Variants in WDFY3 observed in about 807,000 individuals in gnomAD.
WDFY3 encodes the protein WD repeat and FYVE domain containing 3.
WDFY3 carries 66 observed loss-of-function variants against 409.6 expected under a neutral mutation model. The ratio of observed to expected loss-of-function variants is 0.16; its 90% CI spans 0.13 to 0.20. The LOEUF is 0.20. WDFY3 is among the 10% of genes least tolerant of loss of function. The pLI, the probability that WDFY3 is intolerant of heterozygous loss-of-function variation, is 1.00. For synonymous variants in WDFY3, 1,521 were observed against 1,537.1 expected, an observed-to-expected ratio of 0.99 and a Z score of 0.25; for missense variants, 3,031 against 4,298.1, an observed-to-expected ratio of 0.71 and a Z score of 8.24.
At chr4:84,784,891 T>TATATATATATACACACACAC (rs1238884117) in intron 24 of WDFY3, among the ~76,000 whole-genome samples, 2 of 36,914 alleles carry the variant, frequency 5.4e-5, no homozygotes, top group African/African-American at 1.5e-4. Context: ...TATATATATA[T>TATATATATATACACACACAC]ACACACACAC....
intron 21 of WDFY3, among the ~76,000 whole-genome samples, chr4:84,793,598 A>C (rs540585432): frequency 6.6e-6 from 1 of 152,348 alleles, no homozygotes; most frequent in African/African-American, 2.4e-5. Flanking sequence ...AAATTGCAAA[A>C]CAAAGATCAG....
chr4:84,818,348 T>C (rs1427497723), intron 12 of WDFY3, among the ~76,000 whole-genome samples: 1 of 152,154 alleles, frequency 6.6e-6, no homozygotes, highest in Non-Finnish European at 1.5e-5. Flanking sequence ...GTATTTCCTC[T>C]AAGTAATTCT....
At position 84,962,519 on chromosome 4, in the gene WDFY3, T is replaced by A. The variant is rs542566076; in HGVS notation, c.-226+3690A>T. Among the ~76,000 whole-genome samples the A allele has an allele frequency of 2.0e-5, 3 of 152,258 alleles. No individual in the cohort carries two copies. In the East Asian group the frequency reaches 5.8e-4, roughly 29 times the overall value. On this transcript the variant is annotated intron_variant, in intron 1 of 67. Transcript: ENST00000295888. ...TAGAGGACTGACTCATGACAGGGCA[T>A]GAGTGAACTTTTTAGAGTAACGGAA...
intron 1 of WDFY3, among the ~76,000 whole-genome samples, chr4:84,938,566 T>C (rs764336523): frequency 3.3e-5 from 5 of 152,164 alleles, no homozygotes; most frequent in Non-Finnish European, 7.4e-5. Context: ...TACAAAAATG[T>C]TCATTCCAAA....
intron 2 of WDFY3, among the ~76,000 whole-genome samples, chr4:84,913,536 T>C (rs546832173): frequency 1.3e-5 from 2 of 152,090 alleles, no homozygotes; most frequent in African/African-American, 4.8e-5. Flanking sequence ...AGAAGACAAC[T>C]TGATGAAGAT....
chr4:84,808,294 C>A (rs1213518080), intron 15 of WDFY3, 40 bp downstream of exon 15: 1 of 1,506,518 alleles, frequency 6.6e-7, no homozygotes. Context: ...AAAAGGAACC[C>A]CACACAAATA....
chr4:84,802,994 T>G (rs888538628), intron 16 of WDFY3, among the ~76,000 whole-genome samples: 1 of 152,198 alleles, frequency 6.6e-6, no homozygotes, highest in Non-Finnish European at 1.5e-5. Context: ...TTCTGTATTA[T>G]TCGTTAGCAA....
chr4:84,689,205 T>C (rs974550923), intron 61 of WDFY3, among the ~76,000 whole-genome samples: 1 of 152,198 alleles, frequency 6.6e-6, no homozygotes, highest in African/African-American at 2.4e-5. Context: ...TGAAGGTTGA[T>C]AAATTTTTTA....
At chr4:84,718,827 C>A (rs957732694) in intron 47 of WDFY3, among the ~76,000 whole-genome samples, 1 of 152,108 alleles carries the variant, frequency 6.6e-6, no homozygotes, top group Non-Finnish European at 1.5e-5. Context: ...GGCAAACATG[C>A]GCTAGCTTCT....
At chr4:84,803,591 A>T (rs1163418186) in intron 15 of WDFY3, 124 bp from the exon 16 acceptor site, 1 of 1,054,568 alleles carries the variant, frequency 9.5e-7, no homozygotes, top group Non-Finnish European at 1.4e-6. Flanking sequence ...TGGGATAGAA[A>T]AAAAGGAATA....
Position 84,821,341 on chromosome 4 carries a change from A to C in WDFY3, c.1334T>G (p.Phe445Cys). The change falls in exon 11 of 68, where the codon TTT (phenylalanine) becomes TGT (cysteine). Residue 445 changes from phenylalanine to cysteine, a missense_variant. Around this residue, in one of 16 missense-constraint regions of WDFY3, gnomAD observed 1,322 missense variants for 1,697.9 expected, o/e 0.78. Transcript: ENST00000295888. ...SKLPEVQNKY[F>C]EMLEFVVFSL... is the part of the protein sequence containing the mutation. ...AAAAACAACAAACTCCAGCATCTCA[A>C]AGTATTTGTTTTGTACTTCTGGGAG... is the stretch of plus-strand genomic sequence containing the variant. 6.2e-7 allele frequency: 1 copy of C among 1,613,824 alleles called. No homozygotes were observed. Among genetic ancestry groups the C allele is most frequent in the South Asian group, 1.1e-5 (1 of 91,074 alleles).
At chr4:84,957,135 C>G (rs1774333736) in intron 1 of WDFY3, among the ~76,000 whole-genome samples, 1 of 151,374 alleles carries the variant, frequency 6.6e-6, no homozygotes, top group African/African-American at 2.4e-5. Flanking sequence ...AGCATTAAAA[C>G]AGCAACAAAA....
chr4:84,679,874 GTA>G (rs377394669), intron 64 of WDFY3, among the ~76,000 whole-genome samples: 45 of 146,650 alleles, frequency 3.1e-4, no homozygotes, highest in Admixed American at 4.1e-4. Context: ...ACGTACGTGT[GTA>G]TATATATATA....
chr4:84,880,909 G>A (rs1416645807), intron 3 of WDFY3, among the ~76,000 whole-genome samples: 1 of 150,676 alleles, frequency 6.6e-6, no homozygotes, highest in African/African-American at 2.4e-5. Context: ...TTTTAGTAGA[G>A]AGGGGGTTTC....
intron 64 of WDFY3, 32 bp from the exon 65 acceptor site, chr4:84,679,274 C>A: frequency 6.9e-7 from 1 of 1,454,382 alleles, no homozygotes. Context: ...TTGGAACATA[C>A]GGAACCATCA....
At chr4:84,955,048 T>A (rs537445021) in intron 1 of WDFY3, among the ~76,000 whole-genome samples, 1 of 151,756 alleles carries the variant, frequency 6.6e-6, no homozygotes, top group Non-Finnish European at 1.5e-5. Flanking sequence ...TTGCAAAAAA[T>A]ACAAAAATTA....
At chr4:84,832,708 AC>A (rs1161505205) in intron 7 of WDFY3, among the ~76,000 whole-genome samples, 2 of 152,294 alleles carry the variant, frequency 1.3e-5, no homozygotes, top group East Asian at 3.9e-4. Context: ...ATGACAGTAA[AC>A]TAGTCCTACT....
At chr4:84,778,057 A>G (rs1745857183) in intron 27 of WDFY3, among the ~76,000 whole-genome samples, 1 of 152,142 alleles carries the variant, frequency 6.6e-6, no homozygotes, top group Non-Finnish European at 1.5e-5. Flanking sequence ...GAATAGGAGA[A>G]GGATTGATTA....
intron 22 of WDFY3, among the ~76,000 whole-genome samples, chr4:84,788,999 G>A (rs1748014324): frequency 6.6e-6 from 1 of 152,010 alleles, no homozygotes; most frequent in African/African-American, 2.4e-5. Flanking sequence ...CAGCCTGGGC[G>A]ACAGAGCAAG....
Sources: gnomAD v4.1 joint callset for allele counts (sites outside exome capture counted in the v4.1 genomes callset) on GRCh38, gnomAD v4.1.1 for gene constraint, gnomAD v4.1.1 regional missense constraint, MANE v1.5 for transcripts, NCBI Gene and HGNC (gene_info 2026-07-23, HGNC 2026-07-21) for gene names.